SYNDIG1L: variants seen among roughly 807,000 people sequenced by gnomAD.
SYNDIG1L encodes synapse differentiation-inducing gene protein 1-like.
Under a neutral mutation model 20.1 loss-of-function variants are expected in SYNDIG1L, and 13 were observed. The observed-to-expected ratio is 0.65, with a 90% CI of 0.42 to 1.03. The LOEUF is 1.03. Ranked by LOEUF, SYNDIG1L falls within the 50% of genes least tolerant of loss-of-function variation. The probability of loss-of-function intolerance (pLI) is 0.00; values close to 1 mark genes in which losing one functional copy is unlikely to be tolerated. For synonymous variants in SYNDIG1L, 128 were observed against 129.3 expected, an observed-to-expected ratio of 0.99 and a Z score of 0.07; for missense variants, 294 against 305.1, an observed-to-expected ratio of 0.96 and a Z score of 0.27.
upstream of SYNDIG1L, among the ~76,000 whole-genome samples, chr14:74,426,895 A>C (rs934305262): frequency 1.3e-5 from 2 of 152,056 alleles, no homozygotes; most frequent in African/African-American, 2.4e-5. Flanking sequence ...ACCTCGAGCA[A>C]GTTACCTAAC....
the SYNDIG1L span, chr14:74,476,407 T>C: frequency 3.5e-6 from 3 of 864,168 alleles, no homozygotes; most frequent in African/African-American, 1.7e-5. Context: ...CTGGGACATA[T>C]GATTTGTGGA....
At chr14:74,452,336 G>T in the SYNDIG1L span, among the ~76,000 whole-genome samples, 16 of 152,152 alleles carry the variant, frequency 1.1e-4, no homozygotes, top group Non-Finnish European at 1.9e-4. Context: ...ATCTTGAATT[G>T]TAACTCCCAC....
the SYNDIG1L span, among the ~76,000 whole-genome samples, chr14:74,443,352 T>C: frequency 6.6e-6 from 1 of 152,178 alleles, no homozygotes; most frequent in Non-Finnish European, 1.5e-5. Context: ...GACTGAGAGA[T>C]GCTCAGTGCG....
At chr14:74,473,178 G>C in the SYNDIG1L span, among the ~76,000 whole-genome samples, 2 of 152,178 alleles carry the variant, frequency 1.3e-5, no homozygotes, top group East Asian at 3.9e-4. Context: ...TTGATGTCAG[G>C]AGTTTAAGAC....
At chr14:74,480,087 G>A in the SYNDIG1L span, 1 of 1,539,464 alleles carries the variant, frequency 6.5e-7, no homozygotes, top group Non-Finnish European at 8.7e-7. Flanking sequence ...GACAGAAAAA[G>A]AGACATGAGA....
the SYNDIG1L span, among the ~76,000 whole-genome samples, chr14:74,434,411 A>G: frequency 6.6e-6 from 1 of 152,074 alleles, no homozygotes; most frequent in Non-Finnish European, 1.5e-5. Context: ...ATGAGGTCAC[A>G]TTTCTAAAGG....
chr14:74,458,202 A>T, the SYNDIG1L span, among the ~76,000 whole-genome samples: 1 of 151,952 alleles, frequency 6.6e-6, no homozygotes, highest in South Asian at 2.1e-4. Context: ...GAAAATAATA[A>T]CTCATTTACT....
chr14:74,422,918 C>G (rs188682987), intron 1 of SYNDIG1L, among the ~76,000 whole-genome samples: 1 of 151,916 alleles, frequency 6.6e-6, no homozygotes, highest in African/African-American at 2.4e-5. Flanking sequence ...AGGCTGGTCT[C>G]GAACTCCTGA....
In SYNDIG1L at chr14:74,407,431, C is replaced by G; in HGVS notation, c.*104G>C. 1.3e-6 allele frequency: 2 copies of G among 1,512,308 alleles called. No individual in the cohort carries two copies. The highest frequency in any genetic ancestry group is 1.8e-6 in the Non-Finnish European group (2 of 1,113,802). 93.7% of individuals were successfully genotyped at this position (1,512,308 alleles called of 1,614,324 possible). A position where few individuals can be genotyped will look rare whatever the true frequency, so the allele number is the denominator to read the frequency against. On this transcript the variant is annotated 3_prime_UTR_variant, in exon 4 of 4. Coordinates refer to ENST00000331628, the MANE Select transcript of SYNDIG1L (RefSeq NM_001105579.2). Reference sequence around the variant, plus strand: ...TCTCCCCCTCAGCAAGCCACTCTCACGGGATCATCTTCAGGGGCCGGGCCT... The same window carrying G: ...TCTCCCCCTCAGCAAGCCACTCTCAGGGGATCATCTTCAGGGGCCGGGCCT...
chr14:74,434,013 G>A, the SYNDIG1L span, among the ~76,000 whole-genome samples: 3 of 152,098 alleles, frequency 2.0e-5, no homozygotes, highest in African/African-American at 7.2e-5. Flanking sequence ...AAATGCTTAT[G>A]TTATGAAATG....
At chr14:74,471,255 T>C in the SYNDIG1L span, among the ~76,000 whole-genome samples, 1 of 152,124 alleles carries the variant, frequency 6.6e-6, no homozygotes, top group Non-Finnish European at 1.5e-5. Context: ...ACGGAAGTAG[T>C]TCCAACTCTC....
At chr14:74,476,434 G>T in the SYNDIG1L span, 3 of 1,103,778 alleles carry the variant, frequency 2.7e-6, no homozygotes, top group African/African-American at 4.7e-5. Context: ...CCTGCTAGAA[G>T]GGAGCCGTCC....
At chr14:74,417,930 T>C (rs1341622936) in intron 1 of SYNDIG1L, among the ~76,000 whole-genome samples, 1 of 152,184 alleles carries the variant, frequency 6.6e-6, no homozygotes, top group Non-Finnish European at 1.5e-5. Context: ...TTCAAATAAA[T>C]ACCGAGCCTT....
the SYNDIG1L span, among the ~76,000 whole-genome samples, chr14:74,449,743 A>C: frequency 1.3e-5 from 2 of 152,090 alleles, no homozygotes; most frequent in African/African-American, 4.8e-5. Flanking sequence ...GTAATAAAGC[A>C]GTTCTTAAAA....
At chr14:74,438,691 C>T in the SYNDIG1L span, among the ~76,000 whole-genome samples, 1 of 152,138 alleles carries the variant, frequency 6.6e-6, no homozygotes. Context: ...TTCCTAACAC[C>T]CAACCATGAG....
At chr14:74,422,768 C>T (rs1234706896) in intron 1 of SYNDIG1L, among the ~76,000 whole-genome samples, 1 of 146,920 alleles carries the variant, frequency 6.8e-6, no homozygotes, top group East Asian at 2.0e-4. Flanking sequence ...GGCTGCAGTG[C>T]AATGGCACGA....
At chr14:74,471,115 G>A in the SYNDIG1L span, among the ~76,000 whole-genome samples, 2 of 152,276 alleles carry the variant, frequency 1.3e-5, no homozygotes, top group East Asian at 3.9e-4. Context: ...GAAGCTAAAT[G>A]TTCTTCGTAC....
chr14:74,420,863 T>C (rs2086215586), intron 1 of SYNDIG1L, among the ~76,000 whole-genome samples: 1 of 152,186 alleles, frequency 6.6e-6, no homozygotes, highest in South Asian at 2.1e-4. Flanking sequence ...CCCCAAACAC[T>C]GGAGGTAAGA....
the SYNDIG1L span, among the ~76,000 whole-genome samples, chr14:74,439,536 G>A: frequency 6.6e-6 from 1 of 152,080 alleles, no homozygotes; most frequent in Admixed American, 6.6e-5. Flanking sequence ...AGTTAACTAT[G>A]CTGTGAAATG....
Sources: allele counts gnomAD v4.1 joint callset (sites outside exome capture counted in the v4.1 genomes callset), GRCh38; gene constraint gnomAD v4.1.1; transcripts MANE v1.5; gene names NCBI Gene and HGNC (gene_info 2026-07-23, HGNC 2026-07-21).